ATG7: variants seen among roughly 807,000 people sequenced by gnomAD.
ATG7 encodes ubiquitin-like modifier-activating enzyme ATG7.
Under a neutral mutation model 82.4 loss-of-function variants are expected in ATG7, and 70 were observed. The observed-to-expected ratio is 0.85, with a 90% CI of 0.70 to 1.04. The LOEUF (loss-of-function observed/expected upper bound fraction) is 1.04, where lower values mean the gene tolerates loss of function less well. ATG7 is among the 50% of genes least tolerant of loss of function. The pLI is 0.00. For missense variants in ATG7, 792 were observed against 864.3 expected (o/e 0.92, Z 1.05); for synonymous variants, 287 against 313.0 (o/e 0.92, Z 0.88).
At chr3:11,378,931 CTTCTG>C (rs946503742) in intron 18 of ATG7, among the ~76,000 whole-genome samples, 2 of 151,800 alleles carry the variant, frequency 1.3e-5, no homozygotes, top group African/African-American at 4.8e-5. Flanking sequence ...TGGATCGGGT[CTTCTG>C]TTCTGTTCAA....
At chr3:11,552,022 T>A (rs2071847596) in intron 20 of ATG7, among the ~76,000 whole-genome samples, 1 of 152,242 alleles carries the variant, frequency 6.6e-6, no homozygotes, top group Non-Finnish European at 1.5e-5. Context: ...GTGCTGGGAT[T>A]ACAGGCGTGC....
chr3:11,503,973 CA>C (rs1175204811), intron 20 of ATG7, among the ~76,000 whole-genome samples: 5 of 151,918 alleles, frequency 3.3e-5, no homozygotes, highest in Middle Eastern at 3.2e-3. Context: ...GAAAGGAAAA[CA>C]TAGAAAACAG....
chr3:11,292,053 G>T (rs991709933), intron 3 of ATG7, among the ~76,000 whole-genome samples: 2 of 152,146 alleles, frequency 1.3e-5, no homozygotes, highest in Non-Finnish European at 2.9e-5. Flanking sequence ...GTATATCACT[G>T]CAAGAGCCGA....
chr3:11,511,740 C>T (rs574350998), intron 20 of ATG7, among the ~76,000 whole-genome samples: 36 of 152,258 alleles, frequency 2.4e-4, no homozygotes, highest in South Asian at 1.7e-3. Context: ...AGCCCTGCCC[C>T]GAGGGAAGGC....
At position 11,539,819 on chromosome 3, in the gene ATG7, G is replaced by A. The variant is rs74418186; in HGVS notation, c.2080-14992G>A. Reference sequence around the variant, plus strand: ...CTCGCTTGTGGAACCAGCACAGTTCGGCGACATCGAGCAGGTCTGTCTGGC... The same window carrying A: ...CTCGCTTGTGGAACCAGCACAGTTCAGCGACATCGAGCAGGTCTGTCTGGC... On this transcript the variant is annotated intron_variant, in intron 20 of 20. Coordinates refer to ENST00000693202, the MANE Select transcript of ATG7 (RefSeq NM_001349232.2). Among the ~76,000 whole-genome samples the A allele has an allele frequency of 2.7e-3, 411 of 152,294 alleles. 1 individual carries two copies. The highest frequency in any genetic ancestry group is 9.3e-3 in the African/African-American group (386 of 41,564).
the ATG7 span, among the ~76,000 whole-genome samples, chr3:11,566,715 C>T: frequency 6.6e-6 from 1 of 152,166 alleles, no homozygotes; most frequent in Non-Finnish European, 1.5e-5. Context: ...ACCACAGCTG[C>T]AGTGTAGAAT....
chr3:11,342,429 A>C, intron 13 of ATG7, 150 bp downstream of exon 13: 1 of 1,082,800 alleles, frequency 9.2e-7, no homozygotes. Context: ...TTTTAAGTGT[A>C]AAAGAAATAC....
chr3:11,572,689 G>A, the ATG7 span, among the ~76,000 whole-genome samples: 4 of 152,278 alleles, frequency 2.6e-5, no homozygotes, highest in Admixed American at 6.5e-5. Flanking sequence ...TGTATGTCTT[G>A]TTGTACAACC....
intron 1 of ATG7, among the ~76,000 whole-genome samples, chr3:11,278,642 A>C (rs1942409366): frequency 6.6e-6 from 1 of 152,218 alleles, no homozygotes; most frequent in Admixed American, 6.5e-5. Context: ...TTCTCATAGA[A>C]TTTTTATTTA....
At chr3:11,559,363 G>A (rs374865482), downstream of ATG7, 449 of 1,551,124 alleles carry the variant, frequency 2.9e-4, 1 homozygote, top group Middle Eastern at 9.6e-4. Context: ...TGGCAGGCCC[G>A]GGCGCGGCAC....
chr3:11,453,037 C>T (rs1359840762), intron 20 of ATG7, among the ~76,000 whole-genome samples: 2 of 152,232 alleles, frequency 1.3e-5, no homozygotes, highest in African/African-American at 2.4e-5. Context: ...GTATTGGAAG[C>T]AGACAGTCCT....
At chr3:11,345,862 A>G (rs939567157) in intron 13 of ATG7, among the ~76,000 whole-genome samples, 2 of 152,154 alleles carry the variant, frequency 1.3e-5, no homozygotes, top group Non-Finnish European at 2.9e-5. Context: ...ATTTTTCAAA[A>G]TTTCAAAGTC....
rs894709525 is a variant in ATG7 at position 11,555,938 on chromosome 3, C to CAAAGT, written c.*1097_*1101dup. ...ATTTCAAATGAGGCTTCGCTTCTCC[C>CAAAGT]AAAGTAGCCAGTCCAAGTTCCAGTG... is the stretch of plus-strand genomic sequence containing the variant. On this transcript the variant is annotated 3_prime_UTR_variant, in exon 21 of 21. Coordinates refer to ENST00000693202, the MANE Select transcript of ATG7 (RefSeq NM_001349232.2). 7 of 152,616 alleles carry CAAAGT rather than the reference C, an allele frequency of 4.6e-5. No homozygotes were observed. The East Asian group carries it at 5.7e-4, about 12-fold the overall frequency. The allele number at this position is 152,616 out of a possible 1,614,324, so 9.5% of individuals were successfully genotyped here. A position where few individuals can be genotyped will look rare whatever the true frequency, so the allele number is the denominator to read the frequency against.
chr3:11,544,923 T>TGCACAGAC (rs767435127), intron 20 of ATG7, among the ~76,000 whole-genome samples: 1 of 152,162 alleles, frequency 6.6e-6, no homozygotes, highest in South Asian at 2.1e-4. Context: ...GGAAGTCAGA[T>TGCACAGAC]GCACAGACTA....
intron 20 of ATG7, among the ~76,000 whole-genome samples, chr3:11,451,400 CA>C (rs1293461151): frequency 6.6e-6 from 1 of 152,062 alleles, no homozygotes; most frequent in Non-Finnish European, 1.5e-5. Context: ...TTAGTAGAGA[CA>C]GGGTTTTACC....
intron 18 of ATG7, among the ~76,000 whole-genome samples, chr3:11,365,109 T>C (rs1188575510): frequency 6.6e-6 from 1 of 152,236 alleles, no homozygotes; most frequent in African/African-American, 2.4e-5. Flanking sequence ...GGCTTAGTTT[T>C]CTTATCTGTA....
At chr3:11,381,774 T>C (rs986205178) in intron 19 of ATG7, among the ~76,000 whole-genome samples, 1 of 152,246 alleles carries the variant, frequency 6.6e-6, no homozygotes, top group Non-Finnish European at 1.5e-5. Flanking sequence ...TTTCATGTGG[T>C]CTGAGTATTA....
chr3:11,301,742 G>A (rs934409105), intron 5 of ATG7, among the ~76,000 whole-genome samples: 2 of 152,186 alleles, frequency 1.3e-5, no homozygotes, highest in Non-Finnish European at 2.9e-5. Context: ...GCATTAAATT[G>A]TCTGAAGATG....
intron 15 of ATG7, among the ~76,000 whole-genome samples, chr3:11,359,588 C>G (rs1423988421): frequency 6.6e-6 from 1 of 151,920 alleles, no homozygotes; most frequent in Non-Finnish European, 1.5e-5. Flanking sequence ...CCCAGCTACT[C>G]AGGAGGGTGA....
Sources: gnomAD v4.1 joint callset for allele counts (sites outside exome capture counted in the v4.1 genomes callset) on GRCh38, gnomAD v4.1.1 for gene constraint, MANE v1.5 for transcripts, NCBI Gene and HGNC (gene_info 2026-07-23, HGNC 2026-07-21) for gene names.